The following UNC13C variants were observed in gnomAD, a reference collection of about 807,000 sequenced individuals.
UNC13C encodes the protein unc-13 homolog C.
A neutral mutation model predicts 245.4 loss-of-function variants in UNC13C; 174 were observed. That is an observed-to-expected ratio of 0.71 (90% CI 0.63 to 0.80). The LOEUF (loss-of-function observed/expected upper bound fraction) is 0.80, where lower values mean the gene tolerates loss of function less well. Among genes scored for constraint, UNC13C ranks in the 30% least tolerant of loss-of-function variants. The probability of loss-of-function intolerance (pLI) is 0.00; values close to 1 mark genes in which losing one functional copy is unlikely to be tolerated. For missense variants in UNC13C, 2,829 were observed against 2,602.9 expected (o/e 1.09, Z -1.89); for synonymous variants, 992 against 895.1 (o/e 1.11, Z -1.93).
intron 19 of UNC13C, among the ~76,000 whole-genome samples, chr15:54,440,921 C>T (rs766342079): frequency 6.6e-6 from 1 of 151,996 alleles, no homozygotes; most frequent in Non-Finnish European, 1.5e-5. Context: ...TGATGTCGAG[C>T]ATTTTTAATA....
chr15:54,396,459 T>C (rs2040071909), intron 18 of UNC13C, among the ~76,000 whole-genome samples: 1 of 151,768 alleles, frequency 6.6e-6, no homozygotes, highest in African/African-American at 2.4e-5. Flanking sequence ...TGTTATTGTA[T>C]GTTTCTTTTT....
At chr15:54,263,456 A>C (rs916220601) in intron 8 of UNC13C, among the ~76,000 whole-genome samples, 1 of 152,196 alleles carries the variant, frequency 6.6e-6, no homozygotes, top group East Asian at 1.9e-4. Flanking sequence ...TCTCACTGAC[A>C]GAATGATTTG....
intron 2 of UNC13C, among the ~76,000 whole-genome samples, chr15:54,024,862 C>T (rs1896042747): frequency 6.6e-6 from 1 of 152,018 alleles, no homozygotes; most frequent in Admixed American, 6.6e-5. Flanking sequence ...TTGCAGTGAG[C>T]CGAGATGGCA....
intron 4 of UNC13C, among the ~76,000 whole-genome samples, chr15:54,231,334 A>T (rs548173505): frequency 6.6e-6 from 1 of 152,074 alleles, no homozygotes; most frequent in Non-Finnish European, 1.5e-5. Context: ...CATTAAATAC[A>T]AAATAATATT....
Position 54,389,887 on chromosome 15 carries a change from C to T in UNC13C, c.4714-3161C>T, listed in dbSNP as rs113786065. ...GGGACTACAGGCATGTGCCACCATG[C>T]CCAGCTAGTTTCTGCATTTTTAGTA... is the stretch of plus-strand genomic sequence containing the variant. On this transcript the variant is annotated intron_variant, in intron 17 of 32. Coordinates refer to ENST00000260323, the MANE Select transcript of UNC13C (RefSeq NM_001080534.3). Among the ~76,000 whole-genome samples, 592 of 152,244 alleles carry T rather than the reference C, an allele frequency of 3.9e-3. 1 individual carries two copies. Among genetic ancestry groups the T allele is most frequent in the African/African-American group, 4.5e-3 (186 of 41,536 alleles).
At chr15:54,339,573 T>G in intron 17 of UNC13C, among the ~76,000 whole-genome samples, 1 of 152,106 alleles carries the variant, frequency 6.6e-6, no homozygotes. Context: ...CAGTTCTATC[T>G]AGGTTGCTGT....
At chr15:54,202,792 G>T (rs2034564625) in intron 4 of UNC13C, among the ~76,000 whole-genome samples, 1 of 151,948 alleles carries the variant, frequency 6.6e-6, no homozygotes, top group South Asian at 2.1e-4. Context: ...AAAGGCAAAT[G>T]CAATGAAAAC....
chr15:54,046,559 T>C (rs775680279), intron 2 of UNC13C, among the ~76,000 whole-genome samples: 4 of 152,140 alleles, frequency 2.6e-5, no homozygotes, highest in Non-Finnish European at 5.9e-5. Flanking sequence ...GTTTTGTTCA[T>C]TTTTCTAGTG....
At chr15:53,860,130 A>G in the UNC13C span, among the ~76,000 whole-genome samples, 1 of 152,202 alleles carries the variant, frequency 6.6e-6, no homozygotes, top group Non-Finnish European at 1.5e-5. Context: ...TTAAAGTAAG[A>G]ATGCACGTTG....
At chr15:54,152,634 T>C (rs2032571420) in intron 4 of UNC13C, among the ~76,000 whole-genome samples, 1 of 152,180 alleles carries the variant, frequency 6.6e-6, no homozygotes, top group Non-Finnish European at 1.5e-5. Flanking sequence ...AGTCTTAAAG[T>C]GGTGCAAGTT....
chr15:54,008,473 C>T (rs1020949585), intron 1 of UNC13C, among the ~76,000 whole-genome samples: 1 of 152,160 alleles, frequency 6.6e-6, no homozygotes, highest in Non-Finnish European at 1.5e-5. Context: ...ACCGCATAGT[C>T]TATTGTTTTA....
rs919729211 is a variant in UNC13C at position 54,333,789 on chromosome 15, C to G, written c.4517C>G (p.Thr1506Ser). 1 of 1,605,402 alleles carries G rather than the reference C, an allele frequency of 6.2e-7. No individual in the cohort carries two copies. Among genetic ancestry groups the G allele is most frequent in the Non-Finnish European group, 8.5e-7 (1 of 1,175,500 alleles). The part of the protein sequence containing the change: ...KYRENFPASN[T>S]ERLQDLKSTV... The stretch of plus-strand genomic sequence containing the variant: ...CAGGAAAACTTTCCTGCAAGCAATA[C>G]TGAAAGACTGCAAGACCTGAAATCA... The change falls in exon 16 of 33, where the codon ACT becomes AGT. Residue 1506 changes from threonine to serine, a missense_variant. Physicochemically the swap from Thr to Ser is moderately conservative, Grantham distance 58 (BLOSUM62 1). Transcript: ENST00000260323.
chr15:54,299,073 G>T (rs9920949), intron 12 of UNC13C, among the ~76,000 whole-genome samples: 4,160 of 152,108 alleles, frequency 0.027, 190 homozygotes, highest in African/African-American at 0.096. Flanking sequence ...AAGAGAGATG[G>T]TTCATTTTTC....
intron 17 of UNC13C, among the ~76,000 whole-genome samples, chr15:54,369,425 C>A (rs990287428): frequency 6.6e-6 from 1 of 152,106 alleles, no homozygotes; most frequent in Non-Finnish European, 1.5e-5. Context: ...CCATTTAGAT[C>A]ACTGTTCCCC....
chr15:54,188,511 C>T (rs889856064), intron 4 of UNC13C, among the ~76,000 whole-genome samples: 1 of 151,942 alleles, frequency 6.6e-6, no homozygotes, highest in Admixed American at 6.6e-5. Context: ...AATTCATTAG[C>T]GAAGTGGGAC....
At chr15:54,520,834 G>A (rs1175648453) in intron 24 of UNC13C, among the ~76,000 whole-genome samples, 1 of 152,188 alleles carries the variant, frequency 6.6e-6, no homozygotes, top group Non-Finnish European at 1.5e-5. Context: ...ACTAATGAAT[G>A]TTTAGGAGAA....
At chr15:54,368,155 T>C (rs905679805) in intron 17 of UNC13C, among the ~76,000 whole-genome samples, 5 of 152,080 alleles carry the variant, frequency 3.3e-5, no homozygotes, top group African/African-American at 1.2e-4. Flanking sequence ...CAGAGTTTCT[T>C]ACTATTGACA....
intron 10 of UNC13C, among the ~76,000 whole-genome samples, chr15:54,266,751 A>G (rs2036557458): frequency 3.9e-5 from 6 of 152,066 alleles, no homozygotes; most frequent in Admixed American, 3.9e-4. Context: ...GATAATGAAC[A>G]TATCCATCAG....
intron 2 of UNC13C, among the ~76,000 whole-genome samples, chr15:54,076,517 C>T (rs1898636207): frequency 6.6e-6 from 1 of 151,932 alleles, no homozygotes; most frequent in Non-Finnish European, 1.5e-5. Flanking sequence ...ATGCTCTCCA[C>T]CATTTATAAA....
Sources: gnomAD v4.1 joint callset for allele counts (sites outside exome capture counted in the v4.1 genomes callset) on GRCh38, gnomAD v4.1.1 for gene constraint, MANE v1.5 for transcripts, NCBI Gene and HGNC (gene_info 2026-07-23, HGNC 2026-07-21) for gene names.